Variants in NEBL observed in about 807,000 individuals in gnomAD.
The protein encoded by NEBL is LIM and SH3 protein 2.
NEBL carries 122 observed loss-of-function variants against 140.2 expected under a neutral mutation model. That is an observed-to-expected ratio of 0.87 (90% CI 0.75 to 1.01). The LOEUF is 1.01. NEBL is among the 50% of genes least tolerant of loss of function. The probability of loss-of-function intolerance (pLI) is 0.00; values close to 1 mark genes in which losing one functional copy is unlikely to be tolerated. For synonymous variants in NEBL, 436 were observed against 398.9 expected (o/e 1.09, Z -1.11); for missense variants, 1,365 against 1,231.3 (o/e 1.11, Z -1.62).
chr10:20,934,974 C>T (rs10764294), intron 4 of NEBL, among the ~76,000 whole-genome samples: 105,086 of 152,038 alleles, frequency 0.69, 36,503 homozygotes, highest in Admixed American at 0.79. Context: ...AACTGGCATG[C>T]TGTGCAATAG....
intron 3 of NEBL, among the ~76,000 whole-genome samples, chr10:20,964,935 C>T: frequency 6.6e-6 from 1 of 152,170 alleles, no homozygotes; most frequent in East Asian, 1.9e-4. Flanking sequence ...TGAACATAAC[C>T]AGCCCCCGTG....
intron 2 of NEBL, among the ~76,000 whole-genome samples, chr10:21,107,704 C>T (rs1337718137): frequency 6.6e-6 from 1 of 152,066 alleles, no homozygotes. Context: ...GGGAGGATTC[C>T]CTCTTTTTCT....
intron 2 of NEBL, among the ~76,000 whole-genome samples, chr10:21,149,256 A>C (rs1002399654): frequency 5.9e-5 from 9 of 152,078 alleles, no homozygotes; most frequent in Non-Finnish European, 1.2e-4. Flanking sequence ...TCCTCACCTT[A>C]CGCACCTCGT....
At position 20,780,750 on chromosome 10, in the gene NEBL, G is replaced by A. The variant is rs1239970705; in HGVS notation, c.*4997C>T. ...AAACACAGAATATTAAGACCCTGAA[G>A]AGAGTGCATTTGAGAACGCAGTTCT... On this transcript the variant is annotated 3_prime_UTR_variant, in exon 28 of 28. Transcript: ENST00000377122. The A allele has an allele frequency of 2.6e-5, 4 of 152,306 alleles. No individual in the cohort carries two copies. The highest frequency in any genetic ancestry group is 6.5e-5 in the Admixed American group (1 of 15,298). 9.4% of individuals were successfully genotyped at this position (152,306 alleles called of 1,614,324 possible).
intron 4 of NEBL, among the ~76,000 whole-genome samples, chr10:20,934,388 T>C (rs914310803): frequency 1.3e-5 from 2 of 152,224 alleles, no homozygotes; most frequent in African/African-American, 4.8e-5. Context: ...AGGGACTTAC[T>C]AATGTGCACT....
At chr10:21,227,090 T>A (rs118008011) in intron 3 of NEBL, among the ~76,000 whole-genome samples, 1 of 152,120 alleles carries the variant, frequency 6.6e-6, no homozygotes, top group African/African-American at 2.4e-5. Flanking sequence ...TCAGTAACAA[T>A]GTTGTTATTG....
chr10:21,136,141 C>T (rs946070879), intron 2 of NEBL, among the ~76,000 whole-genome samples: 5 of 152,136 alleles, frequency 3.3e-5, no homozygotes, highest in African/African-American at 1.2e-4. Flanking sequence ...CCAAACTTTC[C>T]ACAAGTTTGG....
chr10:20,885,256 C>T (rs1015186307), intron 4 of NEBL, among the ~76,000 whole-genome samples: 4 of 151,984 alleles, frequency 2.6e-5, no homozygotes, highest in African/African-American at 7.3e-5. Context: ...TTTCTTGCCC[C>T]GCTTATTAGG....
chr10:20,917,448 T>A (rs1456180229), intron 4 of NEBL, among the ~76,000 whole-genome samples: 2 of 152,204 alleles, frequency 1.3e-5, no homozygotes, highest in African/African-American at 4.8e-5. Flanking sequence ...GAAGGAGCAT[T>A]GCTGAATTAG....
chr10:20,821,767 T>G (rs527613286), intron 19 of NEBL, among the ~76,000 whole-genome samples: 46 of 152,280 alleles, frequency 3.0e-4, no homozygotes, highest in African/African-American at 1.1e-3. Context: ...GAATCCATAC[T>G]ACCTTTTTGT....
intron 1 of NEBL, among the ~76,000 whole-genome samples, chr10:21,289,287 T>C (rs1588606324): frequency 6.6e-6 from 1 of 152,098 alleles, no homozygotes; most frequent in African/African-American, 2.4e-5. Flanking sequence ...CAGCTGGGTA[T>C]GAGAGGAGCA....
At chr10:21,103,124 T>C (rs1035677138) in intron 2 of NEBL, among the ~76,000 whole-genome samples, 1 of 152,108 alleles carries the variant, frequency 6.6e-6, no homozygotes, top group African/African-American at 2.4e-5. Flanking sequence ...ACTACCAAAT[T>C]ATTTTATAAA....
At chr10:21,237,613 G>A (rs1181835208) in intron 3 of NEBL, among the ~76,000 whole-genome samples, 1 of 151,266 alleles carries the variant, frequency 6.6e-6, no homozygotes, top group East Asian at 2.0e-4. Context: ...TCTCCCTGAT[G>A]TTCTTTTTTG....
chr10:20,793,339 A>G, intron 26 of NEBL: 2 of 973,400 alleles, frequency 2.1e-6, no homozygotes, highest in Non-Finnish European at 2.4e-6. Flanking sequence ...TTACTGTTTT[A>G]TATGTTAAAT....
intron 2 of NEBL, among the ~76,000 whole-genome samples, chr10:21,103,661 T>C (rs148935828): frequency 6.6e-6 from 1 of 152,356 alleles, no homozygotes; most frequent in African/African-American, 2.4e-5. Flanking sequence ...TTTTGTCTTC[T>C]TCCTGCTGAG....
At chr10:21,172,435 C>T in exon 2 of NEBL, 1 of 1,613,522 alleles carries the variant, frequency 6.2e-7, no homozygotes, top group Non-Finnish European at 8.5e-7. Context: ...ATGTTGAGTG[C>T]CATCTTGCAG....
chr10:20,993,233 C>A (rs1296668852), intron 3 of NEBL, among the ~76,000 whole-genome samples: 6 of 152,086 alleles, frequency 3.9e-5, no homozygotes, highest in Middle Eastern at 3.4e-3. Flanking sequence ...ATTCATGCAA[C>A]CTCTGGTCAT....
At chr10:20,973,467 C>T (rs1836667949) in intron 3 of NEBL, among the ~76,000 whole-genome samples, 1 of 152,084 alleles carries the variant, frequency 6.6e-6, no homozygotes, top group Admixed American at 6.5e-5. Flanking sequence ...CCAGGCTGGT[C>T]TCAAATTCCG....
intron 26 of NEBL, among the ~76,000 whole-genome samples, chr10:20,804,927 T>A (rs2130735530): frequency 6.6e-6 from 1 of 152,016 alleles, no homozygotes; most frequent in East Asian, 1.9e-4. Flanking sequence ...AGGAGGTGGG[T>A]GGAAGATGGT....
Sources: gnomAD v4.1 joint callset for allele counts (sites outside exome capture counted in the v4.1 genomes callset) on GRCh38, gnomAD v4.1.1 for gene constraint, MANE v1.5 for transcripts, NCBI Gene and HGNC (gene_info 2026-07-23, HGNC 2026-07-21) for gene names.